The following PDS5A variants were observed in gnomAD, a reference collection of about 807,000 sequenced individuals.
PDS5A encodes the protein PDS5 cohesin associated factor A.
A neutral mutation model predicts 167.1 loss-of-function variants in PDS5A; 42 were observed. The ratio of observed to expected loss-of-function variants is 0.25; its 90% CI spans 0.20 to 0.33. PDS5A has a LOEUF of 0.33. Among genes scored for constraint, PDS5A ranks in the 10% least tolerant of loss-of-function variants. The pLI, the probability that PDS5A is intolerant of heterozygous loss-of-function variation, is 1.00. For missense variants in PDS5A, 1,033 were observed against 1,605.9 expected, an observed-to-expected ratio of 0.64 and a Z score of 6.10; for synonymous variants, 553 against 554.6, an observed-to-expected ratio of 1.00 and a Z score of 0.04.
At chr4:39,853,758 C>T (rs150725429) in intron 26 of PDS5A, among the ~76,000 whole-genome samples, 111 of 152,260 alleles carry the variant, frequency 7.3e-4, no homozygotes, top group African/African-American at 2.6e-3. Context: ...TCTTCCTCCC[C>T]AATTCATAGC....
chr4:39,976,401 C>T (rs377283502), intron 2 of PDS5A, 39 bp downstream of exon 2: 2 of 1,584,166 alleles, frequency 1.3e-6, no homozygotes, highest in African/African-American at 1.3e-5. Flanking sequence ...GGAGAAAGCG[C>T]CTTCTACCAA....
In PDS5A at chr4:39,946,206, C is replaced by CGTT. The variant is rs1578799513; in HGVS notation, c.139-18043_139-18042insAAC. ...TGGGTGATGGAGTGAGACTTCATCT[C>CGTT]AATAAAAAAAAAAAAAGAAAGAAAA... On this transcript the variant is annotated intron_variant, in intron 2 of 32. Transcript: ENST00000303538. Among the ~76,000 whole-genome samples, 23 of 22,204 alleles carry CGTT rather than the reference C, an allele frequency of 1.0e-3. No homozygotes were observed. In the East Asian group the frequency reaches 0.033, roughly 32 times the overall value. The allele number at this position is 22,204 out of a possible 152,430, so 14.6% of individuals were successfully genotyped here. A position where few individuals can be genotyped will look rare whatever the true frequency, so the allele number is the denominator to read the frequency against.
intron 32 of PDS5A, among the ~76,000 whole-genome samples, chr4:39,832,553 G>C (rs1180915355): frequency 6.6e-6 from 1 of 151,890 alleles, no homozygotes; most frequent in Non-Finnish European, 1.5e-5. Context: ...AACTTGTTAT[G>C]TCTGATCAGG....
intron 30 of PDS5A, 108 bp downstream of exon 30, chr4:39,844,548 C>A: frequency 1.3e-6 from 1 of 746,026 alleles, no homozygotes; most frequent in Non-Finnish European, 2.2e-6. Flanking sequence ...TATTTTGTAC[C>A]AGAACACCGC....
At chr4:39,963,102 G>A (rs148802469) in intron 2 of PDS5A, among the ~76,000 whole-genome samples, 1 of 151,118 alleles carries the variant, frequency 6.6e-6, no homozygotes, top group South Asian at 2.1e-4. Flanking sequence ...GTGGATCACT[G>A]GAAGTCAGGA....
chr4:39,936,981 G>A (rs1484680093), intron 2 of PDS5A: 1 of 152,176 alleles, frequency 6.6e-6, no homozygotes, highest in Non-Finnish European at 1.5e-5. Flanking sequence ...GGATGGGATG[G>A]GGACACAGAG....
chr4:39,837,647 C>G lies in PDS5A; in HGVS notation c.4010+209G>C, dbSNP rs1716550597. The G allele has an allele frequency of 1.7e-5, 8 of 482,280 alleles. No individual in the cohort carries two copies. In the South Asian group the frequency reaches 3.6e-4, roughly 22 times the overall value. 29.9% of individuals were successfully genotyped at this position (482,280 alleles called of 1,614,324 possible). On this transcript the variant is annotated intron_variant, in intron 32 of 32. Coordinates refer to ENST00000303538, the MANE Select transcript of PDS5A (RefSeq NM_001100399.2). ...AATACCATATCCTAAATAAAAATTACACAAAGAAAAAAGATTTTTCTTCAA... is the reference window on the plus strand; with the variant it reads ...AATACCATATCCTAAATAAAAATTAGACAAAGAAAAAAGATTTTTCTTCAA...
chr4:39,954,291 T>C (rs938562974), intron 2 of PDS5A, among the ~76,000 whole-genome samples: 7 of 151,958 alleles, frequency 4.6e-5, no homozygotes, highest in African/African-American at 1.7e-4. Flanking sequence ...GCCCAGGAGT[T>C]TGAGGCTGCA....
intron 2 of PDS5A, among the ~76,000 whole-genome samples, chr4:39,967,600 T>C (rs56354348): frequency 0.19 from 29,393 of 150,990 alleles, 3,363 homozygotes; most frequent in South Asian, 0.28. Context: ...TGAGCCAAGA[T>C]CGCGCCACTG....
chr4:39,924,874 G>A (rs910230828), intron 5 of PDS5A, among the ~76,000 whole-genome samples: 1 of 152,190 alleles, frequency 6.6e-6, no homozygotes, highest in Admixed American at 6.5e-5. Context: ...CACTTTGGGA[G>A]GCCGAGGTGG....
At position 39,922,604 on chromosome 4, in the gene PDS5A, T is replaced by C. The variant is rs1318612286; in HGVS notation, c.654+18A>G. 3 of 1,534,784 alleles carry C rather than the reference T, an allele frequency of 2.0e-6. No homozygotes were observed. Among genetic ancestry groups the C allele is most frequent in the Non-Finnish European group, 2.6e-6 (3 of 1,140,946 alleles). On this transcript the variant is annotated intron_variant, in intron 6 of 32. Transcript: ENST00000303538. ...GACTGTTAAACATTAACCTTGAATA[T>C]CTTCATACTTTACAGACCTTATGTG...
At chr4:39,870,897 C>A (rs186209255) in intron 21 of PDS5A, among the ~76,000 whole-genome samples, 2 of 152,122 alleles carry the variant, frequency 1.3e-5, no homozygotes, top group African/African-American at 2.4e-5. Flanking sequence ...ACAGCCAACA[C>A]GTAGAAGCAA....
At chr4:39,871,083 T>A (rs571085685) in intron 21 of PDS5A, among the ~76,000 whole-genome samples, 12 of 152,144 alleles carry the variant, frequency 7.9e-5, no homozygotes, top group African/African-American at 2.9e-4. Context: ...AAATATCATA[T>A]AAGAGATACC....
At chr4:39,897,628 A>G (rs1356553610) in intron 16 of PDS5A, among the ~76,000 whole-genome samples, 1 of 151,944 alleles carries the variant, frequency 6.6e-6, no homozygotes, top group Non-Finnish European at 1.5e-5. Flanking sequence ...CGAACTCCCA[A>G]CCTCAGGTGA....
chr4:39,973,029 T>C, intron 2 of PDS5A: 1 of 566,430 alleles, frequency 1.8e-6, no homozygotes, highest in Non-Finnish European at 3.2e-6. Flanking sequence ...TAAATTTATT[T>C]TATATTTTGC....
At chr4:39,924,618 T>C (rs1725288840) in intron 5 of PDS5A, among the ~76,000 whole-genome samples, 2 of 152,252 alleles carry the variant, frequency 1.3e-5, no homozygotes, top group African/African-American at 2.4e-5. Context: ...CTGGTGAACA[T>C]GTGAAACATG....
At chr4:39,862,513 G>A (rs1719082177) in intron 25 of PDS5A, among the ~76,000 whole-genome samples, 180 bp from the exon 26 acceptor site, 1 of 152,098 alleles carries the variant, frequency 6.6e-6, no homozygotes, top group South Asian at 2.1e-4. Context: ...CTGGTATGCA[G>A]TTGTATTTCA....
At chr4:39,875,347 G>A (rs958197884) in intron 19 of PDS5A, among the ~76,000 whole-genome samples, 12 of 151,554 alleles carry the variant, frequency 7.9e-5, no homozygotes, top group East Asian at 2.0e-4. Flanking sequence ...TGACTATTTC[G>A]TTATATTTTT....
At chr4:39,876,466 T>C (rs1578651774) in intron 19 of PDS5A, among the ~76,000 whole-genome samples, 1 of 152,326 alleles carries the variant, frequency 6.6e-6, no homozygotes, top group Admixed American at 6.5e-5. Context: ...GCCAATACCC[T>C]GAACATATGA....
Sources: gnomAD v4.1 joint callset for allele counts (sites outside exome capture counted in the v4.1 genomes callset) on GRCh38, gnomAD v4.1.1 for gene constraint, MANE v1.5 for transcripts, NCBI Gene and HGNC (gene_info 2026-07-23, HGNC 2026-07-21) for gene names.